Variants in CPD observed in about 807,000 individuals in gnomAD.
CPD encodes the protein metallocarboxypeptidase D.
In CPD, 69 loss-of-function variants were observed where a neutral mutation model predicts 138.3. The observed-to-expected ratio is 0.50, with a 90% CI of 0.41 to 0.61. CPD has a LOEUF of 0.61. Ranked by LOEUF, CPD falls within the 20% of genes least tolerant of loss-of-function variation. The probability of loss-of-function intolerance (pLI) is 0.00; values close to 1 mark genes in which losing one functional copy is unlikely to be tolerated. For synonymous variants in CPD, 651 were observed against 642.1 expected (o/e 1.01, Z -0.21); for missense variants, 1,432 against 1,733.3 (o/e 0.83, Z 3.09).
At chr17:30,458,354 C>T (rs554616979) in intron 17 of CPD, among the ~76,000 whole-genome samples, 68 of 152,214 alleles carry the variant, frequency 4.5e-4, no homozygotes, top group African/African-American at 1.4e-3. Context: ...TTAATTGTAA[C>T]GAAATCCAGT....
rs1165974779 is a variant in CPD, at chr17:30,467,808, A to G, written c.*2994A>G. ...TTTATCTTGTTGTTGCCAGAAATGCACTTGTGCCAGGTATTGTCCCTGCTG... is the reference window on the plus strand; with the variant it reads ...TTTATCTTGTTGTTGCCAGAAATGCGCTTGTGCCAGGTATTGTCCCTGCTG... On this transcript the variant is annotated 3_prime_UTR_variant, in exon 21 of 21. Coordinates refer to ENST00000225719, the MANE Select transcript of CPD (RefSeq NM_001304.5). 1 of 152,144 alleles carries G rather than the reference A, an allele frequency of 6.6e-6. No individual in the cohort carries two copies. The highest frequency in any genetic ancestry group is 2.4e-5 in the African/African-American group (1 of 41,426). 9.4% of individuals were successfully genotyped at this position (152,144 alleles called of 1,614,324 possible).
intron 2 of CPD, among the ~76,000 whole-genome samples, chr17:30,411,770 C>T (rs1911975001): frequency 2.0e-5 from 3 of 152,116 alleles, no homozygotes; most frequent in Admixed American, 1.3e-4. Context: ...AACCTTTTTT[C>T]AAGGTTTTTA....
chr17:30,379,360 C>A lies in CPD; in HGVS notation c.380C>A (p.Pro127His). 6.7e-7 allele frequency: 1 copy of A among 1,502,118 alleles called. No individual in the cohort carries two copies. Among genetic ancestry groups the A allele is most frequent in the Non-Finnish European group, 8.8e-7 (1 of 1,132,954 alleles). The allele number at this position is 1,502,118 out of a possible 1,614,324, so 93.0% of individuals were successfully genotyped here. ...CCCGACGCTGCGGGGCCGCTGCTGC[C>A]CGGCCGGCCCCAGGTGAAGCTGGTG... ...AGPDAAGPLLPGRPQVKLVGN... is the reference protein window; with the variant it reads ...AGPDAAGPLLHGRPQVKLVGN... Residue 127 changes from proline (P) to histidine (H), a missense_variant, in exon 1 of 21, where the codon CCC becomes CAC. Physicochemically the swap from Pro to His is moderately conservative, Grantham distance 77. This residue lies in a region of CPD where 484 missense variants were observed against 477.2 expected (regional missense o/e 1.01). Transcript: ENST00000225719. This position sits in a 1 kb window ranked among gnomAD's most constrained non-coding sequence, Gnocchi z 7.0.
At chr17:30,451,291 C>T (rs1363825927) in intron 13 of CPD, among the ~76,000 whole-genome samples, 1 of 152,204 alleles carries the variant, frequency 6.6e-6, no homozygotes, top group Non-Finnish European at 1.5e-5. Flanking sequence ...TTAAATCAGA[C>T]TGACCAAAAA....
chr17:30,399,330 CTAGT>C (rs1911590867), intron 2 of CPD, among the ~76,000 whole-genome samples: 1 of 151,930 alleles, frequency 6.6e-6, no homozygotes. Context: ...ATTTATAGAT[CTAGT>C]TAGTTGATAG....
intron 1 of CPD, among the ~76,000 whole-genome samples, chr17:30,381,205 A>G (rs1212843079): frequency 6.6e-6 from 1 of 152,158 alleles, no homozygotes; most frequent in Non-Finnish European, 1.5e-5. Flanking sequence ...CGTAAGAAAT[A>G]TGACTTTGAC....
chr17:30,446,062 A>G (rs747677920), intron 12 of CPD, 42 bp downstream of exon 12: 35 of 1,373,748 alleles, frequency 2.5e-5, no homozygotes, highest in Non-Finnish European at 3.3e-5. Context: ...TTTTCAAGAC[A>G]GTAAAATCAG....
chr17:30,430,566 GGTT>G (rs1288955429), intron 7 of CPD, among the ~76,000 whole-genome samples: 1 of 152,054 alleles, frequency 6.6e-6, no homozygotes, highest in Non-Finnish European at 1.5e-5. Context: ...TGGACATTTG[GGTT>G]GTTTTGACTT....
rs755432187 is a variant in CPD, at chr17:30,464,301, A to AT, written c.3917-285dup. Among the ~76,000 whole-genome samples, 3 of 152,010 alleles carry AT rather than the reference A, an allele frequency of 2.0e-5. No individual in the cohort carries two copies. In the East Asian group the frequency reaches 5.8e-4, roughly 29 times the overall value. On this transcript the variant is annotated intron_variant, in intron 20 of 20. Coordinates refer to ENST00000225719, the MANE Select transcript of CPD (RefSeq NM_001304.5). The stretch of plus-strand genomic sequence containing the variant: ...CTACTTGGGAGGCTGAGGTGGGAGG[A>AT]TTACACACACACACAAAAGATCTTA...
Position 30,423,687 on chromosome 17 carries a change from G to A in CPD, c.1839G>A (p.Lys613=), listed in dbSNP as rs1912329035. 1 of 1,571,918 alleles carries A rather than the reference G, an allele frequency of 6.4e-7. No homozygotes were observed. The highest frequency in any genetic ancestry group is 8.6e-7 in the Non-Finnish European group (1 of 1,160,624). ...MPSMNPDGYE[K]SQEGDSISVI... is the part of the protein sequence containing the mutation. ...CCATGAATCCTGATGGGTATGAAAA[G>A]TCCCAGGAAGGTAAAGAATAGCATT... The change falls in exon 6 of 21, where the codon AAG becomes AAA. Residue 613 remains lysine, a synonymous_variant. Transcript: ENST00000225719.
intron 2 of CPD, among the ~76,000 whole-genome samples, chr17:30,395,530 G>A (rs1911480622): frequency 6.6e-6 from 1 of 152,052 alleles, no homozygotes; most frequent in African/African-American, 2.4e-5. Context: ...GCATAACCTA[G>A]TATAAAGACT....
At chr17:30,429,876 A>G (rs541694083) in intron 7 of CPD, among the ~76,000 whole-genome samples, 3 of 152,324 alleles carry the variant, frequency 2.0e-5, no homozygotes, top group South Asian at 4.1e-4. Context: ...GGTGTTGACT[A>G]TCCCATCTCT....
chr17:30,446,040 G>GT lies in CPD; in HGVS notation c.2873+21dup, dbSNP rs766056919. The GT allele has an allele frequency of 2.9e-6, 4 of 1,362,210 alleles. No homozygotes were observed. The highest frequency in any genetic ancestry group is 2.8e-5 in the South Asian group (2 of 71,728). 84.4% of individuals were successfully genotyped at this position (1,362,210 alleles called of 1,614,324 possible). A position where few individuals can be genotyped will look rare whatever the true frequency, so the allele number is the denominator to read the frequency against. On this transcript the variant is annotated intron_variant, in intron 12 of 20. Coordinates refer to ENST00000225719, the MANE Select transcript of CPD (RefSeq NM_001304.5). ...TACCAAGTAAGTGTCACTTTCTATT[G>GT]TCTTTTTTTTTTTTTCAAGACAGTA... is the stretch of plus-strand genomic sequence containing the variant.
At chr17:30,397,968 A>C (rs1034495464) in intron 2 of CPD, among the ~76,000 whole-genome samples, 2 of 151,102 alleles carry the variant, frequency 1.3e-5, no homozygotes, top group African/African-American at 4.9e-5. Flanking sequence ...GCTTGTGCCC[A>C]GGAGTTCGAG....
chr17:30,432,774 C>T (rs1912597703), intron 8 of CPD, among the ~76,000 whole-genome samples: 1 of 151,832 alleles, frequency 6.6e-6, no homozygotes, highest in Non-Finnish European at 1.5e-5. Context: ...AAAAAATTAG[C>T]CGGTTGTGGT....
rs1397531503 is a variant in CPD at position 30,421,713 on chromosome 17, G to C, written c.1187G>C (p.Gly396Ala). Residue 396 changes from glycine to alanine, a missense_variant, in exon 4 of 21, where the codon GGG (glycine) becomes GCG (alanine). By Grantham distance (60) the Gly-to-Ala change is moderately conservative (BLOSUM62 0). Transcript: ENST00000225719. Reference protein sequence around the residue: ...GFVKDSITGSGLENATISVAG... With the variant: ...GFVKDSITGSALENATISVAG... Reference sequence around the variant, plus strand: ...GTTAAAGATTCCATAACAGGATCTGGGTTAGAGAATGCAACCATCTCAGTG... The same window carrying C: ...GTTAAAGATTCCATAACAGGATCTGCGTTAGAGAATGCAACCATCTCAGTG... 6.2e-7 allele frequency: 1 copy of C among 1,613,610 alleles called. No individual in the cohort carries two copies. The highest frequency in any genetic ancestry group is 8.5e-7 in the Non-Finnish European group (1 of 1,179,748).
At position 30,467,796 on chromosome 17, in the gene CPD, TGC is replaced by T. The variant is rs1157379872; in HGVS notation, c.*2983_*2984del. ...ACATTAAATAGTTTTATCTTGTTGT[TGC>T]CAGAAATGCACTTGTGCCAGGTATT... On this transcript the variant is annotated 3_prime_UTR_variant, in exon 21 of 21. Transcript: ENST00000225719. 2.0e-5 allele frequency: 3 copies of T among 152,182 alleles called. No individual in the cohort carries two copies. Among genetic ancestry groups the T allele is most frequent in the Admixed American group, 2.0e-4 (3 of 15,274 alleles). 9.4% of individuals were successfully genotyped at this position (152,182 alleles called of 1,614,324 possible).
chr17:30,399,405 A>G (rs1220566310), intron 2 of CPD, among the ~76,000 whole-genome samples: 5 of 152,190 alleles, frequency 3.3e-5, no homozygotes, highest in Admixed American at 3.3e-4. Flanking sequence ...CTGAGAGAAG[A>G]ATGTTGAAAT....
rs1913688254 is a variant in CPD at position 30,468,055 on chromosome 17, A to G, written c.*3241A>G. On this transcript the variant is annotated 3_prime_UTR_variant, in exon 21 of 21. Transcript: ENST00000225719. ...TTTTAGCTAAAATTTTGGGGATATG[A>G]TTTGGGTCTTTGATTAATGTCAGCT... is the stretch of plus-strand genomic sequence containing the variant. 2 of 152,118 alleles carry G rather than the reference A, an allele frequency of 1.3e-5. No homozygotes were observed. Among genetic ancestry groups the G allele is most frequent in the Admixed American group, 1.3e-4 (2 of 15,266 alleles). 9.4% of individuals were successfully genotyped at this position (152,118 alleles called of 1,614,324 possible). A position where few individuals can be genotyped will look rare whatever the true frequency, so the allele number is the denominator to read the frequency against.
Sources: allele counts gnomAD v4.1 joint callset (sites outside exome capture counted in the v4.1 genomes callset), GRCh38; gene constraint gnomAD v4.1.1; regional missense constraint gnomAD v4.1.1; non-coding constraint Gnocchi (gnomAD v3.1); transcripts MANE v1.5; gene names NCBI Gene and HGNC (gene_info 2026-07-23, HGNC 2026-07-21).